TUT4: variants seen among roughly 807,000 people sequenced by gnomAD.
The protein encoded by TUT4 is terminal uridylyltransferase 4.
TUT4 carries 36 observed loss-of-function variants against 192.2 expected under a neutral mutation model. The observed-to-expected ratio is 0.19, with a 90% CI of 0.14 to 0.25. The LOEUF (loss-of-function observed/expected upper bound fraction) is 0.25. Ranked by LOEUF, TUT4 falls within the 10% of genes least tolerant of loss-of-function variation. The pLI, the probability that TUT4 is intolerant of heterozygous loss-of-function variation, is 1.00. For synonymous variants in TUT4, 618 were observed against 666.0 expected, an observed-to-expected ratio of 0.93 and a Z score of 1.11; for missense variants, 1,493 against 1,957.2, an observed-to-expected ratio of 0.76 and a Z score of 4.47.
chr1:52,520,498 T>C (rs1303771627), intron 2 of TUT4, among the ~76,000 whole-genome samples: 1 of 152,220 alleles, frequency 6.6e-6, no homozygotes, highest in East Asian at 1.9e-4. Context: ...GGCCTTATCC[T>C]AGGCTTTCTG....
chr1:52,524,745 G>A (rs972802739), intron 2 of TUT4, among the ~76,000 whole-genome samples: 3 of 152,144 alleles, frequency 2.0e-5, no homozygotes, highest in Admixed American at 6.5e-5. Context: ...GGAGGTTGCA[G>A]TGAGTGGAGA....
In TUT4 at chr1:52,495,424, T is replaced by C. The variant is rs759880714; in HGVS notation, c.1266+3A>G. On this transcript the variant is annotated splice_donor_region_variant and intron_variant, in intron 6 of 29. Transcript: ENST00000257177. ...CCACACAGGAAAGATTCTAATTACT[T>C]ACCTTGGGAGGAAATTTTATATCTA... is the stretch of plus-strand genomic sequence containing the variant. 6.3e-7 allele frequency: 1 copy of C among 1,579,820 alleles called. No individual in the cohort carries two copies. The highest frequency in any genetic ancestry group is 2.2e-5 in the East Asian group (1 of 44,496).
intron 4 of TUT4, among the ~76,000 whole-genome samples, chr1:52,497,696 T>G (rs1485657388): frequency 6.6e-6 from 1 of 152,232 alleles, no homozygotes; most frequent in African/African-American, 2.4e-5. Context: ...TAAAGCCAAT[T>G]TAAATCTAGG....
chr1:52,483,575 C>A (rs1418136373), intron 9 of TUT4, among the ~76,000 whole-genome samples: 1 of 152,092 alleles, frequency 6.6e-6, no homozygotes, highest in African/African-American at 2.4e-5. Flanking sequence ...CTTTGGGAGG[C>A]AGAGTGGGTG....
intron 16 of TUT4, 33 bp downstream of exon 16, chr1:52,465,037 T>C: frequency 1.3e-6 from 2 of 1,517,474 alleles, no homozygotes; most frequent in South Asian, 1.2e-5. Context: ...TGGGAGAAAA[T>C]AAACTTACAT....
At chr1:52,504,981 A>G (rs1675141142) in intron 4 of TUT4, among the ~76,000 whole-genome samples, 1 of 152,198 alleles carries the variant, frequency 6.6e-6, no homozygotes, top group Non-Finnish European at 1.5e-5. Flanking sequence ...TTCATCCATC[A>G]ATGGATATCT....
rs113902597 is a variant in TUT4, at chr1:52,522,081, A to G, written c.718+3482T>C. On this transcript the variant is annotated intron_variant, in intron 2 of 29. Transcript: ENST00000257177. ...ATTAATTTGGATGTTTTCATATGGGAAAAAAAGAAGTGCTAAACAATTACG... is the reference window on the plus strand; with the variant it reads ...ATTAATTTGGATGTTTTCATATGGGGAAAAAAGAAGTGCTAAACAATTACG... 9.2e-3 allele frequency among the ~76,000 whole-genome samples: 1,336 copies of G among 145,106 alleles called. 22 individuals carry two copies. Among genetic ancestry groups the G allele is most frequent in the African/African-American group, 0.034 (1,269 of 37,112 alleles).
intron 8 of TUT4, 152 bp downstream of exon 8, chr1:52,490,580 A>T (rs1670908333): frequency 1.8e-6 from 1 of 563,994 alleles, no homozygotes; most frequent in Non-Finnish European, 3.1e-6. Flanking sequence ...TGCATTTGGT[A>T]AGCTTGCTAT....
intron 24 of TUT4, among the ~76,000 whole-genome samples, chr1:52,441,031 A>AT (rs1319405695): frequency 2.0e-5 from 3 of 152,182 alleles, no homozygotes; most frequent in African/African-American, 7.2e-5. Flanking sequence ...CATTTTATGT[A>AT]TTTTAACTGA....
At chr1:52,447,171 C>T (rs1463831357) in intron 20 of TUT4, among the ~76,000 whole-genome samples, 1 of 152,012 alleles carries the variant, frequency 6.6e-6, no homozygotes, top group Non-Finnish European at 1.5e-5. Flanking sequence ...AAATTAGGGC[C>T]AGGCACGGTG....
At chr1:52,543,917 C>G (rs1687388467) in intron 1 of TUT4, among the ~76,000 whole-genome samples, 1 of 152,058 alleles carries the variant, frequency 6.6e-6, no homozygotes, top group Admixed American at 6.5e-5. Context: ...TCAAGAGACC[C>G]CAAATAGCCA....
intron 4 of TUT4, among the ~76,000 whole-genome samples, chr1:52,503,446 TTCCTGAAA>T: frequency 6.6e-6 from 1 of 152,196 alleles, no homozygotes; most frequent in Non-Finnish European, 1.5e-5. Flanking sequence ...ACAATGAAGT[TTCCTGAAA>T]GTTGAGTCTA....
chr1:52,495,847 A>T (rs1672322987), intron 5 of TUT4, among the ~76,000 whole-genome samples: 1 of 152,170 alleles, frequency 6.6e-6, no homozygotes. Context: ...AGCTATGGCT[A>T]CTGTCACAAA....
intron 1 of TUT4, among the ~76,000 whole-genome samples, chr1:52,542,932 T>G (rs1687112413): frequency 6.6e-6 from 1 of 152,048 alleles, no homozygotes; most frequent in African/African-American, 2.4e-5. Context: ...ATTTTGTATT[T>G]TTAGTAGAGA....
At chr1:52,509,200 TC>T (rs34337912) in intron 4 of TUT4, among the ~76,000 whole-genome samples, 4 of 151,794 alleles carry the variant, frequency 2.6e-5, no homozygotes, top group African/African-American at 2.4e-5. Flanking sequence ...AGCACAATCT[TC>T]CCCCCCTAAC....
intron 27 of TUT4, 30 bp downstream of exon 27, chr1:52,435,335 G>A: frequency 1.3e-6 from 2 of 1,562,214 alleles, no homozygotes; most frequent in South Asian, 1.1e-5. Flanking sequence ...CATCAGTCAA[G>A]ACTAACACAT....
At chr1:52,540,788 T>C (rs1686404239) in intron 1 of TUT4, among the ~76,000 whole-genome samples, 2 of 152,182 alleles carry the variant, frequency 1.3e-5, no homozygotes, top group Non-Finnish European at 2.9e-5. Context: ...TCTCAAACTT[T>C]TTGGTCTCAG....
Position 52,445,809 on chromosome 1 carries a change from TA to T in TUT4, c.3799del (p.Tyr1267IlefsTer17). 1 of 1,612,200 alleles carries T rather than the reference TA, an allele frequency of 6.2e-7. No individual in the cohort carries two copies. The highest frequency in any genetic ancestry group is 8.5e-7 in the Non-Finnish European group (1 of 1,178,874). The part of the protein sequence containing the change: ...NGRKLFGTPF[Y>X]PLIGREAEYF... ...TACAGCTTCTCTGCCAATGAGTGGA[TA>T]AAAAGGGGTACCAAAAAGTTTCCTT... is the stretch of plus-strand genomic sequence containing the variant. On this transcript the variant is annotated frameshift_variant, in exon 24 of 30. Coordinates refer to ENST00000257177, the MANE Select transcript of TUT4 (RefSeq NM_001009881.3). LOFTEE classifies it high-confidence loss of function.
chr1:52,532,578 C>T (rs1050981607), intron 1 of TUT4, among the ~76,000 whole-genome samples: 3 of 152,064 alleles, frequency 2.0e-5, no homozygotes, highest in Non-Finnish European at 2.9e-5. Flanking sequence ...ACCCAAGTGC[C>T]GGGATTACAG....
Sources: gnomAD v4.1 joint callset for allele counts (sites outside exome capture counted in the v4.1 genomes callset) on GRCh38, gnomAD v4.1.1 for gene constraint, MANE v1.5 for transcripts, NCBI Gene and HGNC (gene_info 2026-07-23, HGNC 2026-07-21) for gene names.